KHDRBS2: variants seen among roughly 807,000 people sequenced by gnomAD.
The protein encoded by KHDRBS2 is KH domain-containing, RNA-binding, signal transduction-associated protein 2.
Under a neutral mutation model 44.3 loss-of-function variants are expected in KHDRBS2, and 26 were observed. That is an observed-to-expected ratio of 0.59 (90% confidence interval 0.43 to 0.81). KHDRBS2 has a LOEUF of 0.81. KHDRBS2 is among the 40% of genes least tolerant of loss of function. The pLI is 0.00. For missense variants in KHDRBS2, 476 were observed against 433.1 expected (o/e 1.10, Z -0.88); for synonymous variants, 194 against 151.1 (o/e 1.28, Z -2.08).
At chr6:61,761,973 T>A (rs1277237658) in intron 6 of KHDRBS2, among the ~76,000 whole-genome samples, 1 of 152,204 alleles carries the variant, frequency 6.6e-6, no homozygotes, top group East Asian at 1.9e-4. Context: ...AAATATTATG[T>A]ATTTCCCTTG....
intron 6 of KHDRBS2, among the ~76,000 whole-genome samples, chr6:61,858,959 A>G (rs1004971845): frequency 6.6e-6 from 1 of 151,926 alleles, no homozygotes; most frequent in African/African-American, 2.4e-5. Flanking sequence ...CTACACATGG[A>G]TAAAGACTGG....
intron 4 of KHDRBS2, among the ~76,000 whole-genome samples, chr6:61,920,285 A>G (rs1807823251): frequency 6.6e-6 from 1 of 151,934 alleles, no homozygotes; most frequent in Non-Finnish European, 1.5e-5. Context: ...TCTGGGGCCT[A>G]AATTTACATA....
At chr6:61,949,825 A>C (rs1420741422) in intron 4 of KHDRBS2, among the ~76,000 whole-genome samples, 1 of 152,092 alleles carries the variant, frequency 6.6e-6, no homozygotes, top group Non-Finnish European at 1.5e-5. Context: ...TATCTTCCTA[A>C]AAACAAAAAC....
the KHDRBS2 span, among the ~76,000 whole-genome samples, chr6:61,544,815 C>G: frequency 6.6e-6 from 1 of 152,142 alleles, no homozygotes; most frequent in Non-Finnish European, 1.5e-5. Flanking sequence ...TCATTCTCAG[C>G]AAACTATCAC....
chr6:61,559,587 T>C, the KHDRBS2 span, among the ~76,000 whole-genome samples: 1 of 152,216 alleles, frequency 6.6e-6, no homozygotes, highest in East Asian at 1.9e-4. Flanking sequence ...GGATGTTTTT[T>C]CATTTGAAGT....
At chr6:61,869,974 T>TGTTTGTTTGTC (rs76495122) in intron 6 of KHDRBS2, among the ~76,000 whole-genome samples, 1 of 148,268 alleles carries the variant, frequency 6.7e-6, no homozygotes, top group Non-Finnish European at 1.5e-5. Flanking sequence ...GTTTTTTTTT[T>TGTTTGTTTGTC]TTTTTTTTTT....
At chr6:61,849,629 A>T (rs941391768) in intron 6 of KHDRBS2, among the ~76,000 whole-genome samples, 1 of 146,740 alleles carries the variant, frequency 6.8e-6, no homozygotes, top group African/African-American at 2.4e-5. Flanking sequence ...TCAGAGAAAC[A>T]AAGTTTTTTT....
intron 6 of KHDRBS2, among the ~76,000 whole-genome samples, chr6:61,828,607 C>A (rs559283626): frequency 6.6e-6 from 1 of 152,290 alleles, no homozygotes; most frequent in South Asian, 2.1e-4. Context: ...GTTCTTTCCT[C>A]TGTATACCTT....
intron 6 of KHDRBS2, among the ~76,000 whole-genome samples, chr6:61,885,580 A>C (rs1800826175): frequency 6.6e-6 from 1 of 152,184 alleles, no homozygotes; most frequent in African/African-American, 2.4e-5. Context: ...TATACAACAG[A>C]ACAGTAGCAA....
chr6:62,171,766 C>T (rs1263076434), intron 2 of KHDRBS2, among the ~76,000 whole-genome samples: 1 of 152,110 alleles, frequency 6.6e-6, no homozygotes, highest in African/African-American at 2.4e-5. Flanking sequence ...AGATTGAGGG[C>T]CTATATTCAT....
chr6:61,843,767 G>T (rs902216248), intron 6 of KHDRBS2, among the ~76,000 whole-genome samples: 11 of 151,724 alleles, frequency 7.3e-5, no homozygotes, highest in African/African-American at 2.7e-4. Flanking sequence ...AAGCTTATTT[G>T]GATTAATTTC....
chr6:61,632,681 G>A, the KHDRBS2 span, among the ~76,000 whole-genome samples: 1 of 152,024 alleles, frequency 6.6e-6, no homozygotes, highest in Non-Finnish European at 1.5e-5. Context: ...TATGAAGATG[G>A]TTAATTTTCA....
rs540395934 is a variant in KHDRBS2, at chr6:61,741,614, C to T, written c.811-8850G>A. 7.9e-5 allele frequency among the ~76,000 whole-genome samples: 12 copies of T among 151,834 alleles called. No individual in the cohort carries two copies. The South Asian group carries it at 2.1e-3, about 26-fold the overall frequency. ...GACTCAATAGGTAGTTTTTCTTTACCTATTTAAAAAGTCAAGTAGGACCAC... is the reference window on the plus strand; with the variant it reads ...GACTCAATAGGTAGTTTTTCTTTACTTATTTAAAAAGTCAAGTAGGACCAC... On this transcript the variant is annotated intron_variant, in intron 6 of 8. Transcript: ENST00000281156.
At chr6:61,669,926 C>T in the KHDRBS2 span, among the ~76,000 whole-genome samples, 1 of 150,936 alleles carries the variant, frequency 6.6e-6, no homozygotes, top group Non-Finnish European at 1.5e-5. Context: ...ATTCAGCTCA[C>T]TTCTGAAAAT....
At chr6:61,559,537 A>G in the KHDRBS2 span, among the ~76,000 whole-genome samples, 3 of 152,084 alleles carry the variant, frequency 2.0e-5, no homozygotes, top group Admixed American at 2.0e-4. Context: ...CTCTGATGGT[A>G]TGTTTTAATT....
At chr6:61,590,687 T>C in the KHDRBS2 span, among the ~76,000 whole-genome samples, 99 of 152,308 alleles carry the variant, frequency 6.5e-4, 1 homozygote, top group Middle Eastern at 0.014. Flanking sequence ...TTTGTCAATA[T>C]TTATAAAGTA....
At chr6:62,171,253 G>T (rs1375249028) in intron 2 of KHDRBS2, among the ~76,000 whole-genome samples, 2 of 151,946 alleles carry the variant, frequency 1.3e-5, no homozygotes, top group African/African-American at 4.8e-5. Context: ...TAATCTGATA[G>T]AGCTGAAAAA....
chr6:62,279,892 C>T (rs1841557878), intron 1 of KHDRBS2, among the ~76,000 whole-genome samples: 1 of 152,108 alleles, frequency 6.6e-6, no homozygotes, highest in Non-Finnish European at 1.5e-5. Context: ...CCTGTTTGGC[C>T]TCTACCTGGC....
rs111357792 is a variant in KHDRBS2, at chr6:61,947,802, T to C, written c.483+30264A>G. 9.7e-3 allele frequency among the ~76,000 whole-genome samples: 1,476 copies of C among 151,972 alleles called. 29 individuals are homozygous for C. Among genetic ancestry groups the C allele is most frequent in the African/African-American group, 0.033 (1,382 of 41,444 alleles). On this transcript the variant is annotated intron_variant, in intron 4 of 8. Transcript: ENST00000281156. ...ATAATGTGAAATGCATGTCTTATTA[T>C]GCCCTCATTTCAAAATCTTTGAAAA... is the stretch of plus-strand genomic sequence containing the variant.
Sources: allele counts gnomAD v4.1 joint callset (sites outside exome capture counted in the v4.1 genomes callset), GRCh38; gene constraint gnomAD v4.1.1; transcripts MANE v1.5; gene names NCBI Gene and HGNC (gene_info 2026-07-23, HGNC 2026-07-21).